Variants in EPB41L5 observed in about 807,000 individuals in gnomAD.
EPB41L5 encodes band 4.1-like protein 5.
Under a neutral mutation model 106.6 loss-of-function variants are expected in EPB41L5, and 55 were observed. That is an observed-to-expected ratio of 0.52 (90% CI 0.42 to 0.65). EPB41L5 has a LOEUF of 0.65. Ranked by LOEUF, EPB41L5 falls within the 30% of genes least tolerant of loss-of-function variation. The pLI is 0.00. For missense variants in EPB41L5, 871 were observed against 882.1 expected, an observed-to-expected ratio of 0.99 and a Z score of 0.16; for synonymous variants, 297 against 306.7, an observed-to-expected ratio of 0.97 and a Z score of 0.33.
intron 21 of EPB41L5, among the ~76,000 whole-genome samples, chr2:120,164,241 A>G (rs1342507107): frequency 6.6e-6 from 1 of 151,750 alleles, no homozygotes; most frequent in Admixed American, 6.6e-5. Flanking sequence ...TTGAGGCAGA[A>G]TCTCACTCTG....
chr2:120,125,220 T>G (rs1226265355), intron 16 of EPB41L5, among the ~76,000 whole-genome samples: 2 of 152,202 alleles, frequency 1.3e-5, no homozygotes, highest in Non-Finnish European at 2.9e-5. Flanking sequence ...TTCAGTGTGT[T>G]ATTATCTGTT....
At chr2:120,145,440 G>T (rs1307264272) in intron 19 of EPB41L5, among the ~76,000 whole-genome samples, 1 of 152,172 alleles carries the variant, frequency 6.6e-6, no homozygotes, top group Admixed American at 6.5e-5. Context: ...CAGATGGAAA[G>T]GATAGGTACT....
intron 3 of EPB41L5, among the ~76,000 whole-genome samples, chr2:120,046,602 T>C (rs1679796661): frequency 6.6e-6 from 1 of 152,028 alleles, no homozygotes; most frequent in Admixed American, 6.5e-5. Flanking sequence ...TCTCCCATTC[T>C]GTAGGTTGCC....
chr2:120,015,196 G>A (rs1156962729), intron 1 of EPB41L5, among the ~76,000 whole-genome samples: 2 of 151,806 alleles, frequency 1.3e-5, no homozygotes, highest in African/African-American at 4.8e-5. Flanking sequence ...TCGTAGCGGC[G>A]GGCACCTGTA....
intron 5 of EPB41L5, 47 bp downstream of exon 5, chr2:120,074,225 G>C: frequency 7.0e-7 from 1 of 1,421,974 alleles, no homozygotes; most frequent in Admixed American, 1.8e-5. Context: ...TGATAGTTTT[G>C]AAAGACTGTC....
At chr2:120,030,896 G>C (rs1678662174) in intron 2 of EPB41L5, among the ~76,000 whole-genome samples, 1 of 149,822 alleles carries the variant, frequency 6.7e-6, no homozygotes, top group Non-Finnish European at 1.5e-5. Flanking sequence ...TTTATTTAGA[G>C]ACAGAGTTTC....
At chr2:120,122,135 C>G (rs903672508) in intron 16 of EPB41L5, among the ~76,000 whole-genome samples, 5 of 152,214 alleles carry the variant, frequency 3.3e-5, no homozygotes, top group Non-Finnish European at 5.9e-5. Flanking sequence ...TGCCTGTTCA[C>G]TCTGATGGTA....
chr2:120,051,024 G>A (rs1041218473), intron 3 of EPB41L5, among the ~76,000 whole-genome samples: 21 of 152,136 alleles, frequency 1.4e-4, no homozygotes, highest in African/African-American at 2.2e-4. Context: ...TGGAAGCTTC[G>A]TCTTAGAGGG....
chr2:120,123,514 C>G (rs187380485), intron 16 of EPB41L5, among the ~76,000 whole-genome samples: 1 of 152,200 alleles, frequency 6.6e-6, no homozygotes, highest in South Asian at 2.1e-4. Flanking sequence ...GATATAAGAA[C>G]CATCTTACTT....
chr2:120,053,100 T>C (rs1680398746), intron 3 of EPB41L5, among the ~76,000 whole-genome samples: 2 of 152,216 alleles, frequency 1.3e-5, no homozygotes, highest in Non-Finnish European at 2.9e-5. Flanking sequence ...TATTTTTTGC[T>C]GTTTCTTTGA....
chr2:120,070,312 C>G (rs1681770698), intron 3 of EPB41L5, among the ~76,000 whole-genome samples: 1 of 152,094 alleles, frequency 6.6e-6, no homozygotes, highest in Non-Finnish European at 1.5e-5. Flanking sequence ...AGACCAACAA[C>G]AAGTTCTGAA....
At chr2:120,155,291 A>G (rs990481852) in intron 20 of EPB41L5, among the ~76,000 whole-genome samples, 3 of 152,182 alleles carry the variant, frequency 2.0e-5, no homozygotes, top group African/African-American at 7.2e-5. Flanking sequence ...CTTAGTTGAC[A>G]GGGTACTTTC....
At chr2:120,139,854 A>T (rs1425773505) in intron 18 of EPB41L5, among the ~76,000 whole-genome samples, 12 of 152,080 alleles carry the variant, frequency 7.9e-5, no homozygotes. Flanking sequence ...TATCGAAGAG[A>T]TATCTGCACT....
At position 120,064,084 on chromosome 2, in the gene EPB41L5, T is replaced by C. The variant is rs934246961; in HGVS notation, c.286-9094T>C. On this transcript the variant is annotated intron_variant, in intron 3 of 24. Transcript: ENST00000263713. ...ATACAGACTGTTAACTCAAAAAAAG[T>C]AGTCACTCAGGAAGTTTATAGTGGA... is the stretch of plus-strand genomic sequence containing the variant. Among the ~76,000 whole-genome samples, 31 of 152,316 alleles carry C rather than the reference T, an allele frequency of 2.0e-4. 1 individual carries two copies. Among genetic ancestry groups the C allele is most frequent in the Admixed American group, 1.7e-3 (26 of 15,294 alleles).
intron 22 of EPB41L5, among the ~76,000 whole-genome samples, chr2:120,166,773 A>C (rs1441938779): frequency 6.6e-6 from 1 of 152,220 alleles, no homozygotes; most frequent in East Asian, 1.9e-4. Context: ...TAATTTACTA[A>C]TACCTGGACT....
chr2:120,154,052 A>G (rs777668793), intron 20 of EPB41L5, among the ~76,000 whole-genome samples: 9 of 148,668 alleles, frequency 6.1e-5, no homozygotes, highest in African/African-American at 1.2e-4. Flanking sequence ...TCTTTTGTCA[A>G]TTTTGTTCCT....
intron 16 of EPB41L5, among the ~76,000 whole-genome samples, chr2:120,113,999 G>T (rs1229901985): frequency 6.6e-6 from 1 of 152,172 alleles, no homozygotes; most frequent in Non-Finnish European, 1.5e-5. Flanking sequence ...AATTGTCATG[G>T]TTATATCCAT....
At chr2:120,107,130 T>A (rs1684500307) in intron 16 of EPB41L5, among the ~76,000 whole-genome samples, 1 of 152,110 alleles carries the variant, frequency 6.6e-6, no homozygotes, top group Non-Finnish European at 1.5e-5. Flanking sequence ...CCAGGTTGGA[T>A]CTTTTTATTT....
At chr2:120,066,322 A>G (rs1051153377) in intron 3 of EPB41L5, among the ~76,000 whole-genome samples, 4 of 152,202 alleles carry the variant, frequency 2.6e-5, no homozygotes, top group African/African-American at 9.6e-5. Flanking sequence ...CATTATTATT[A>G]CAGATTATCT....
Sources: gnomAD v4.1 joint callset for allele counts (sites outside exome capture counted in the v4.1 genomes callset) on GRCh38, gnomAD v4.1.1 for gene constraint, MANE v1.5 for transcripts, NCBI Gene and HGNC (gene_info 2026-07-23, HGNC 2026-07-21) for gene names.